MEIOC: variants seen among roughly 807,000 people sequenced by gnomAD.
MEIOC encodes meiosis specific with coiled-coil domain.
A neutral mutation model predicts 85.3 loss-of-function variants in MEIOC; 9 were observed. That is an observed-to-expected ratio of 0.11 (90% CI 0.06 to 0.18). The LOEUF (loss-of-function observed/expected upper bound fraction) is 0.18. Ranked by LOEUF, MEIOC falls within the 10% of genes least tolerant of loss-of-function variation. MEIOC has a pLI of 1.00. For synonymous variants in MEIOC, 365 were observed against 393.7 expected (o/e 0.93, Z 0.86); for missense variants, 898 against 1,129.4 (o/e 0.80, Z 2.94).
rs749636749 is a variant in MEIOC at position 44,667,013 on chromosome 17, T to C, written c.1102T>C (p.Tyr368His). The change falls in exon 5 of 8, where the codon TAC becomes CAC. Residue 368 changes from tyrosine to histidine, a missense_variant. Around this residue, in one of 2 missense-constraint regions of MEIOC, gnomAD observed 734 missense variants for 860.1 expected, o/e 0.85. Transcript: ENST00000409122. The stretch of plus-strand genomic sequence containing the variant: ...AACACCAACTGTAGAAGCAGACACC[T>C]ACACAAAGTTATTTCAGGTTAAGCC... ...PETPTVEADT[Y>H]TKLFQVKPAN... 5 of 1,613,766 alleles carry C rather than the reference T, an allele frequency of 3.1e-6. No individual in the cohort carries two copies. The highest frequency in any genetic ancestry group is 4.2e-6 in the Non-Finnish European group (5 of 1,179,762).
At chr17:44,656,711 G>T in intron 1 of MEIOC, 29 bp downstream of exon 1, 1 of 1,474,060 alleles carries the variant, frequency 6.8e-7, no homozygotes, top group Non-Finnish European at 9.0e-7. Flanking sequence ...CAGGGTCCAG[G>T]GGGCGGCCAG....
chr17:44,663,266 T>TC (rs1568132880), intron 3 of MEIOC, among the ~76,000 whole-genome samples: 22 of 128,110 alleles, frequency 1.7e-4, no homozygotes, highest in Non-Finnish European at 3.6e-4. Context: ...GCCTTTATAA[T>TC]CTTGATGATG....
At chr17:44,660,847 C>T (rs1025931227) in intron 2 of MEIOC, among the ~76,000 whole-genome samples, 1 of 151,802 alleles carries the variant, frequency 6.6e-6, no homozygotes, top group African/African-American at 2.4e-5. Flanking sequence ...AATCCCAGCA[C>T]TTTGGGAGGC....
At chr17:44,669,202 G>GA (rs1020660485) in intron 5 of MEIOC, among the ~76,000 whole-genome samples, 181 bp from the exon 6 acceptor site, 137 of 147,540 alleles carry the variant, frequency 9.3e-4, no homozygotes, top group Middle Eastern at 3.4e-3. Flanking sequence ...GACTCCATCT[G>GA]AAAAAAAAAA....
intron 5 of MEIOC, 50 bp from the exon 6 acceptor site, chr17:44,669,333 G>A (rs1425250070): frequency 1.3e-5 from 18 of 1,417,802 alleles, no homozygotes; most frequent in African/African-American, 5.7e-5. Context: ...ATTCATGGTC[G>A]AATCATATTT....
chr17:44,671,547 C>CAAA (rs201226549), intron 6 of MEIOC, among the ~76,000 whole-genome samples: 4 of 112,756 alleles, frequency 3.5e-5, no homozygotes, highest in African/African-American at 1.4e-4. Flanking sequence ...GACCCTGTCT[C>CAAA]AAAAAAAAAA....
chr17:44,656,472 TG>T lies in MEIOC; in HGVS notation c.-140del. ...GCTCGGACTTCCCTTACCCGCACAC[TG>T]GCTCCAGGCAGCGCCCGGGCGGCGG... On this transcript the variant is annotated 5_prime_UTR_variant, in exon 1 of 8. Coordinates refer to ENST00000409122, the MANE Select transcript of MEIOC (RefSeq NM_001145080.3). 1.8e-6 allele frequency: 1 copy of T among 543,394 alleles called. No individual in the cohort carries two copies. The highest frequency in any genetic ancestry group is 2.9e-6 in the Non-Finnish European group (1 of 339,404). 33.7% of individuals were successfully genotyped at this position (543,394 alleles called of 1,614,324 possible). A position where few individuals can be genotyped will look rare whatever the true frequency, so the allele number is the denominator to read the frequency against.
downstream of MEIOC, chr17:44,677,070 C>A: frequency 2.1e-6 from 1 of 478,482 alleles, no homozygotes; most frequent in Middle Eastern, 1.1e-3. Context: ...CTGACTCCTT[C>A]AGTGACAAAA....
chr17:44,657,914 C>T (rs1480378294), intron 2 of MEIOC, among the ~76,000 whole-genome samples: 3 of 151,874 alleles, frequency 2.0e-5, no homozygotes, highest in South Asian at 2.1e-4. Context: ...TGCAGTGGTG[C>T]GATCTCGGAT....
In MEIOC at chr17:44,658,154, ATTT is replaced by A. The variant is rs71136034; in HGVS notation, c.204+909_204+911del. 2.2e-3 allele frequency among the ~76,000 whole-genome samples: 286 copies of A among 128,566 alleles called. 1 individual carries two copies. Among genetic ancestry groups the A allele is most frequent in the African/African-American group, 3.2e-3 (109 of 33,958 alleles). 84.3% of individuals were successfully genotyped at this position (128,566 alleles called of 152,430 possible). On this transcript the variant is annotated intron_variant, in intron 2 of 7. Coordinates refer to ENST00000409122, the MANE Select transcript of MEIOC (RefSeq NM_001145080.3). ...GGCCACAGCGCCCAGCCCAGGAACA[ATTT>A]TTTTTTTTTTTTTTTGAGACGGAGT... is the stretch of plus-strand genomic sequence containing the variant.
intron 2 of MEIOC, among the ~76,000 whole-genome samples, chr17:44,657,548 TTTTG>T (rs984063139): frequency 1.3e-4 from 19 of 150,818 alleles, no homozygotes; most frequent in African/African-American, 4.6e-4. Context: ...TTTTTGTTTG[TTTTG>T]TTTTTGTTTT....
At position 44,657,011 on chromosome 17, in the gene MEIOC, C is replaced by G. The variant is rs185456471; in HGVS notation, c.70-116C>G. ...GCGCGGGCCCCCACATTCGTGTCCT[C>G]TGAGAGGGTTCGGAATTGAGCCGAA... On this transcript the variant is annotated intron_variant, in intron 1 of 7. Coordinates refer to ENST00000409122, the MANE Select transcript of MEIOC (RefSeq NM_001145080.3). 1.4e-3 allele frequency: 1,722 copies of G among 1,270,050 alleles called. 37 individuals are homozygous for G. In the South Asian group the frequency reaches 0.022, roughly 16 times the overall value. The allele number at this position is 1,270,050 out of a possible 1,614,324, so 78.7% of individuals were successfully genotyped here.
chr17:44,673,475 G>A lies in MEIOC; in HGVS notation c.2567G>A (p.Arg856His), dbSNP rs775516997. 14 of 1,551,330 alleles carry A rather than the reference G, an allele frequency of 9.0e-6. No individual in the cohort carries two copies. The highest frequency in any genetic ancestry group is 2.4e-5 in the East Asian group (1 of 40,880). The change falls in exon 7 of 8, where the codon CGT becomes CAT. Residue 856 changes from arginine (R) to histidine (H), a missense_variant. Physicochemically the swap from Arg to His is conservative, Grantham distance 29. This residue lies in a region of MEIOC where 164 missense variants were observed against 269.2 expected (regional missense o/e 0.61). Transcript: ENST00000409122. ...HLESIHIVQS[R>H]RKDEIVNASN... ...GAGTCTATTCACATTGTACAGTCAC[G>A]TAGAAAGGATGAAATTGTTAATGCT...
intron 6 of MEIOC, among the ~76,000 whole-genome samples, chr17:44,671,680 G>A (rs1972013238): frequency 6.6e-6 from 1 of 152,118 alleles, no homozygotes; most frequent in Admixed American, 6.6e-5. Context: ...GCCAAGGTGG[G>A]CGGATCACAA....
At chr17:44,665,283 G>A in intron 3 of MEIOC, 101 bp from the exon 4 acceptor site, 1 of 874,130 alleles carries the variant, frequency 1.1e-6, no homozygotes, top group Non-Finnish European at 1.6e-6. Context: ...TGATGGTGTA[G>A]ATTCAGTCCA....
chr17:44,662,390 C>G lies in MEIOC; in HGVS notation c.278C>G (p.Ser93Cys). ...SSTEYSSSVD[S>C]SLFCAPWSTY... ...ACAGAATATTCAAGTTCTGTAGATT[C>G]TTCACTTTTCTGTGCACCATGGTCT... The change falls in exon 3 of 8, where the codon TCT (serine) becomes TGT (cysteine). Residue 93 changes from serine (S) to cysteine (C), a missense_variant. This residue lies in a region of MEIOC where 734 missense variants were observed against 860.1 expected (regional missense o/e 0.85). Transcript: ENST00000409122. The G allele has an allele frequency of 6.5e-7, 1 of 1,549,022 alleles. No individual in the cohort carries two copies. Among genetic ancestry groups the G allele is most frequent in the South Asian group, 1.2e-5 (1 of 83,962 alleles).
Position 44,674,177 on chromosome 17 carries a change from G to A in MEIOC, c.2840G>A (p.Gly947Asp), listed in dbSNP as rs1345549302. 26 of 1,550,922 alleles carry A rather than the reference G, an allele frequency of 1.7e-5. No homozygotes were observed. The highest frequency in any genetic ancestry group is 2.3e-5 in the Non-Finnish European group (26 of 1,146,536). Reference sequence around the variant, plus strand: ...AGTAGCAATCCAATGAACCAGAGAGGTGAAACAAACAAACATTAAGGAAAT... The same window carrying A: ...AGTAGCAATCCAATGAACCAGAGAGATGAAACAAACAAACATTAAGGAAAT... ...INSSNPMNQR[G>D]ETNKH Residue 947 changes from glycine (G) to aspartate (D), a missense_variant, in exon 8 of 8, where the codon GGT becomes GAT. This residue lies in a region of MEIOC where 164 missense variants were observed against 269.2 expected (regional missense o/e 0.61). Transcript: ENST00000409122.
intron 3 of MEIOC, among the ~76,000 whole-genome samples, chr17:44,664,914 C>T (rs941827703): frequency 6.6e-6 from 1 of 152,040 alleles, no homozygotes; most frequent in Non-Finnish European, 1.5e-5. Flanking sequence ...ACTTTTTTAT[C>T]CAATATTAAT....
intron 2 of MEIOC, among the ~76,000 whole-genome samples, chr17:44,659,317 A>G (rs971515060): frequency 6.6e-6 from 1 of 152,216 alleles, no homozygotes; most frequent in Non-Finnish European, 1.5e-5. Flanking sequence ...AACCCAGACC[A>G]TAGTTCCACT....
Sources: allele counts gnomAD v4.1 joint callset (sites outside exome capture counted in the v4.1 genomes callset), GRCh38; gene constraint gnomAD v4.1.1; regional missense constraint gnomAD v4.1.1; transcripts MANE v1.5; gene names NCBI Gene and HGNC (gene_info 2026-07-23, HGNC 2026-07-21).